The following STS variants were observed in gnomAD, a reference collection of about 807,000 sequenced individuals.
STS encodes steryl-sulfatase.
Under a neutral mutation model 26.8 loss-of-function variants are expected in STS, and 7 were observed. The observed-to-expected ratio is 0.26, with a 90% CI of 0.15 to 0.49. The LOEUF (loss-of-function observed/expected upper bound fraction) is 0.49, where lower values mean the gene tolerates loss of function less well. STS is among the 20% of genes least tolerant of loss of function. STS has a pLI of 0.98. For synonymous variants in STS, 199 were observed against 189.4 expected, an observed-to-expected ratio of 1.05 and a Z score of -0.42; for missense variants, 434 against 465.6, an observed-to-expected ratio of 0.93 and a Z score of 0.63.
At chrX:7,208,505 A>G (rs1920966808) in intron 2 of STS, among the ~76,000 whole-genome samples, 1 of 111,802 alleles carries the variant, frequency 8.9e-6, no homozygotes, top group African/African-American at 3.3e-5. Context: ...CCTACCCTTT[A>G]CCCTGTCTTC....
At chrX:7,272,883 A>C (rs1345294249) in intron 6 of STS, among the ~76,000 whole-genome samples, 11 of 111,656 alleles carry the variant, frequency 9.9e-5, no homozygotes. Flanking sequence ...GCAGTGGCTC[A>C]TACCTGTAAT....
chrX:7,321,129 A>T (rs1398555126), intron 8 of STS, among the ~76,000 whole-genome samples: 1 of 111,838 alleles, frequency 8.9e-6, no homozygotes, highest in African/African-American at 3.2e-5. Flanking sequence ...GCAGCAACAT[A>T]GATGGAGCTG....
At chrX:7,157,783 G>A (rs1933164892) in intron 1 of STS, among the ~76,000 whole-genome samples, 1 of 111,464 alleles carries the variant, frequency 9.0e-6, no homozygotes, top group African/African-American at 3.3e-5. Flanking sequence ...AGGTCATACA[G>A]CTAGTGGGTG....
At chrX:7,147,462 C>A (rs954841727), upstream of STS, among the ~76,000 whole-genome samples, 3 of 111,844 alleles carry the variant, frequency 2.7e-5, no homozygotes, top group Non-Finnish European at 5.7e-5. Context: ...TCACTCCTCG[C>A]CAGCTGTGAC....
intron 2 of STS, among the ~76,000 whole-genome samples, chrX:7,242,237 C>T (rs1240613630): frequency 1.8e-5 from 2 of 111,007 alleles, no homozygotes; most frequent in East Asian, 5.6e-4. Context: ...TTGTTCAAAA[C>T]TCTATTAGTG....
intron 10 of STS, among the ~76,000 whole-genome samples, chrX:7,343,902 C>A (rs1040440906): frequency 1.8e-5 from 2 of 112,168 alleles, no homozygotes; most frequent in Non-Finnish European, 3.8e-5. Context: ...CCTTCTCCAT[C>A]ATATTTGTCC....
Position 7,257,337 on chromosome X carries a change from T to C in STS, c.233T>C (p.Met78Thr). Residue 78 changes from methionine (M) to threonine (T), a missense_variant, in exon 4 of 11, where the codon ATG becomes ACG. This residue lies in a region of STS where 229 missense variants were observed against 288.3 expected (regional missense o/e 0.79). Coordinates refer to ENST00000674429, the MANE Select transcript of STS (RefSeq NM_001320752.2). ...PLCTPSRAAF[M>T]TGRYPVRSGM... ...TGCACACCAAGCAGGGCAGCCTTCATGACTGGCCGGTACCCTGTCCGATCA... is the reference window on the plus strand; with the variant it reads ...TGCACACCAAGCAGGGCAGCCTTCACGACTGGCCGGTACCCTGTCCGATCA... 1 of 1,211,958 alleles carries C rather than the reference T, an allele frequency of 8.3e-7. No homozygotes were observed. The highest frequency in any genetic ancestry group is 1.1e-6 in the Non-Finnish European group (1 of 895,420).
In STS at chrX:7,314,395, A is replaced by G. The variant is rs186586276; in HGVS notation, c.1081+9212A>G. On this transcript the variant is annotated intron_variant, in intron 8 of 10. Coordinates refer to ENST00000674429, the MANE Select transcript of STS (RefSeq NM_001320752.2). ...GAGCAAGGACTGACAGTGTCAGGTG[A>G]TGGAGACTTGGTATCATGTCCGGGC... Among the ~76,000 whole-genome samples the G allele has an allele frequency of 8.1e-5, 9 of 111,670 alleles. No individual in the cohort carries two copies. The East Asian group carries it at 2.3e-3, about 28-fold the overall frequency.
chrX:7,190,746 C>G (rs1445067510), intron 1 of STS, among the ~76,000 whole-genome samples, 134 bp from the exon 2 acceptor site: 1 of 106,109 alleles, frequency 9.4e-6, no homozygotes, highest in African/African-American at 3.4e-5. Flanking sequence ...GCTGTCTGGG[C>G]AATAAAGTGA....
At chrX:7,213,003 A>G (rs918100427) in intron 2 of STS, among the ~76,000 whole-genome samples, 4 of 111,805 alleles carry the variant, frequency 3.6e-5, no homozygotes, top group East Asian at 2.8e-4. Context: ...TCACAAAAGA[A>G]AAACTGTTGA....
intron 2 of STS, among the ~76,000 whole-genome samples, chrX:7,215,156 T>TATATATAC (rs1266956654): frequency 2.1e-5 from 2 of 95,725 alleles, no homozygotes; most frequent in African/African-American, 7.6e-5. Flanking sequence ...TATATATATA[T>TATATATAC]ACACACCACA....
intron 9 of STS, 85 bp from the exon 10 acceptor site, chrX:7,333,901 C>A: frequency 8.5e-7 from 1 of 1,174,403 alleles, no homozygotes; most frequent in African/African-American, 1.8e-5. Flanking sequence ...ACGACTGGAG[C>A]TCCCTCATGC....
intron 2 of STS, among the ~76,000 whole-genome samples, chrX:7,230,830 A>G (rs1213032750): frequency 8.9e-6 from 1 of 111,908 alleles, no homozygotes; most frequent in Non-Finnish European, 1.9e-5. Context: ...AAGATGAGAT[A>G]TGGGTGGGGA....
chrX:7,247,057 G>C (rs1922920354), intron 2 of STS, among the ~76,000 whole-genome samples: 1 of 112,403 alleles, frequency 8.9e-6, no homozygotes, highest in Admixed American at 9.4e-5. Flanking sequence ...GTGTATGTGT[G>C]TGTGTGTGTT....
At position 7,151,124 on chromosome X, in the gene STS, A is replaced by G. The variant is rs1172781403; in HGVS notation, c.-134+3041A>G. 7.1e-5 allele frequency among the ~76,000 whole-genome samples: 8 copies of G among 112,394 alleles called. No individual in the cohort carries two copies. In the Admixed American group the frequency reaches 7.5e-4, roughly 11 times the overall value. ...CTTAAACATGCCATTTATTGTGTGTATATATATGCCATCCTGTAGGGAGTC... is the reference window on the plus strand; with the variant it reads ...CTTAAACATGCCATTTATTGTGTGTGTATATATGCCATCCTGTAGGGAGTC... On this transcript the variant is annotated intron_variant, in intron 1 of 10. Transcript: ENST00000674429.
At chrX:7,301,740 T>C (rs1208990386) in intron 7 of STS, among the ~76,000 whole-genome samples, 1 of 111,782 alleles carries the variant, frequency 8.9e-6, no homozygotes, top group Non-Finnish European at 1.9e-5. Context: ...AAGCCCACGG[T>C]AATGACTGAT....
intron 10 of STS, among the ~76,000 whole-genome samples, chrX:7,346,888 A>G (rs1444655119): frequency 3.6e-5 from 4 of 110,304 alleles, no homozygotes; most frequent in African/African-American, 1.3e-4. Context: ...GGCAACATGG[A>G]GACACCCCAT....
chrX:7,159,934 C>T (rs1307294886), intron 1 of STS, among the ~76,000 whole-genome samples: 5 of 112,052 alleles, frequency 4.5e-5, no homozygotes, highest in Admixed American at 1.9e-4. Flanking sequence ...GATGAGCGTT[C>T]GGCTGGGATA....
intron 1 of STS, among the ~76,000 whole-genome samples, chrX:7,189,364 G>T (rs954672283): frequency 9.0e-6 from 1 of 111,330 alleles, no homozygotes; most frequent in Non-Finnish European, 1.9e-5. Context: ...TGTATCAGAG[G>T]TCAAAAAACT....
Sources: allele counts gnomAD v4.1 joint callset (sites outside exome capture counted in the v4.1 genomes callset), GRCh38; gene constraint gnomAD v4.1.1; regional missense constraint gnomAD v4.1.1; transcripts MANE v1.5; gene names NCBI Gene and HGNC (gene_info 2026-07-23, HGNC 2026-07-21).